The following SCNN1A variants were observed in gnomAD, a reference collection of about 807,000 sequenced individuals.
SCNN1A encodes sodium channel epithelial 1 subunit alpha, also known as epithelial sodium channel subunit alpha.
In SCNN1A, 65 loss-of-function variants were observed where a neutral mutation model predicts 68.6. The ratio of observed to expected loss-of-function variants is 0.95; its 90% CI spans 0.78 to 1.16. SCNN1A has a LOEUF of 1.16. Among genes scored for constraint, SCNN1A ranks in the 50% most tolerant of loss-of-function variants. SCNN1A has a pLI of 0.00. For missense variants in SCNN1A, 880 were observed against 865.9 expected (o/e 1.02, Z -0.20); for synonymous variants, 357 against 353.3 (o/e 1.01, Z -0.12).
In SCNN1A at chr12:6,372,685, T is replaced by G. The variant is rs778493234; in HGVS notation, c.416+1683A>C. On this transcript the variant is annotated intron_variant, in intron 2 of 12. Transcript: ENST00000228916. This position sits in a 1 kb window ranked among gnomAD's most constrained non-coding sequence, Gnocchi z 5.8. The stretch of plus-strand genomic sequence containing the variant: ...ATTGAGTGCCCACTGCCCCGCCTGC[T>G]GTCCTTCCCCTTCCTGCTGGGTCCC... 6.6e-6 allele frequency among the ~76,000 whole-genome samples: 1 copy of G among 152,210 alleles called. No homozygotes were observed. Among genetic ancestry groups the G allele is most frequent in the Non-Finnish European group, 1.5e-5 (1 of 68,030 alleles).
chr12:6,347,859 C>A lies in SCNN1A; in HGVS notation c.*14G>T. On this transcript the variant is annotated 3_prime_UTR_variant, in exon 13 of 13. Coordinates refer to ENST00000228916, the MANE Select transcript of SCNN1A (RefSeq NM_001038.6). ...GGAGCATCTGCCTTGGTGTGAGAAACCTCTCCTTCCCTCTCAGGGCCCCCC... is the reference window on the plus strand; with the variant it reads ...GGAGCATCTGCCTTGGTGTGAGAAAACTCTCCTTCCCTCTCAGGGCCCCCC... The A allele has an allele frequency of 6.3e-7, 1 of 1,596,268 alleles. No homozygotes were observed. Among genetic ancestry groups the A allele is most frequent in the South Asian group, 1.1e-5 (1 of 88,974 alleles).
chr12:6,363,311 C>G (rs375885536), intron 3 of SCNN1A, 132 bp downstream of exon 3: 2 of 630,866 alleles, frequency 3.2e-6, no homozygotes, highest in African/African-American at 3.9e-5. Flanking sequence ...TTTTTTTGCC[C>G]GCGAGCCCAC....
At chr12:6,362,700 C>T (rs917018959) in intron 3 of SCNN1A, among the ~76,000 whole-genome samples, 2 of 151,206 alleles carry the variant, frequency 1.3e-5, no homozygotes, top group Non-Finnish European at 3.0e-5. Context: ...TTTTTTTTGG[C>T]AGACGAGCTC....
At chr12:6,363,834 C>A in intron 2 of SCNN1A, 124 bp from the exon 3 acceptor site, 2 of 898,470 alleles carry the variant, frequency 2.2e-6, no homozygotes, top group South Asian at 4.0e-5. Flanking sequence ...CTGGGCGGGG[C>A]TGGGGTCGTC....
Position 6,347,655 on chromosome 12 carries a change from G to T in SCNN1A, c.*218C>A. On this transcript the variant is annotated 3_prime_UTR_variant, in exon 13 of 13. Transcript: ENST00000228916. Reference sequence around the variant, plus strand: ...AGAGTGTTCAGAGGCAGTACCAAGGGGTACAGGGCTGGAGCCAAGGCACTT... The same window carrying T: ...AGAGTGTTCAGAGGCAGTACCAAGGTGTACAGGGCTGGAGCCAAGGCACTT... 1 of 600,112 alleles carries T rather than the reference G, an allele frequency of 1.7e-6. No individual in the cohort carries two copies. Among genetic ancestry groups the T allele is most frequent in the East Asian group, 2.8e-5 (1 of 36,140 alleles). 37.2% of individuals were successfully genotyped at this position (600,112 alleles called of 1,614,324 possible).
At chr12:6,356,157 G>C in intron 4 of SCNN1A, 1 of 506,064 alleles carries the variant, frequency 2.0e-6, no homozygotes, top group Non-Finnish European at 3.6e-6. Flanking sequence ...CTGGCCCAAG[G>C]TCACACATCT....
In SCNN1A at chr12:6,348,030, C is replaced by A. The variant is rs3741913; in HGVS notation, c.1853G>T (p.Cys618Phe). ...CAAGGACAGAGACATGGGGTGGGGG[C>A]AGAAGTGGGAAGGAGGGGAGGATGC... ...TLASSPPSHF[C>F]PHPMSLSLSQ... is the part of the protein sequence containing the mutation. Residue 618 changes from cysteine to phenylalanine, a missense_variant, in exon 13 of 13, where the codon TGC (cysteine) becomes TTC (phenylalanine). Around this residue, in one of 3 missense-constraint regions of SCNN1A, gnomAD observed 758 missense variants for 721.8 expected, o/e 1.05. Coordinates refer to ENST00000228916, the MANE Select transcript of SCNN1A (RefSeq NM_001038.6). 5.9e-3 allele frequency: 9,450 copies of A among 1,603,002 alleles called. 385 individuals carry two copies. In the African/African-American group the frequency reaches 0.094, roughly 16 times the overall value.
rs1162115813 is a variant in SCNN1A, at chr12:6,347,930, T to C, written c.1953A>G (p.Pro651=). ...PPAYATLGPR[P]SPGGSAGASS... The stretch of plus-strand genomic sequence containing the variant: ...TGGCCCCTGCAGAGCCCCCTGGAGA[T>C]GGGCGGGGGCCCAGGGTGGCATAGG... Residue 651 remains proline, a synonymous_variant, in exon 13 of 13, where the codon CCA becomes CCG. Coordinates refer to ENST00000228916, the MANE Select transcript of SCNN1A (RefSeq NM_001038.6). 5.7e-6 allele frequency: 9 copies of C among 1,587,318 alleles called. No homozygotes were observed. The highest frequency in any genetic ancestry group is 1.3e-5 in the African/African-American group (1 of 74,302).
At position 6,374,560 on chromosome 12, in the gene SCNN1A, A is replaced by C. The variant is rs770042605; in HGVS notation, c.224T>G (p.Val75Gly). ...NTTIHGAIRL[V>G]CSQHNRMKTA... ...CTTCATGCGGTTGTGCTGGGAGCACACCAGGCGGATGGCGCCGTGGATGGT... is the reference window on the plus strand; with the variant it reads ...CTTCATGCGGTTGTGCTGGGAGCACCCCAGGCGGATGGCGCCGTGGATGGT... Residue 75 changes from valine (V) to glycine (G), a missense_variant, in exon 2 of 13, where the codon GTG becomes GGG. Around this residue, in one of 3 missense-constraint regions of SCNN1A, gnomAD observed 45 missense variants for 76.7 expected, o/e 0.59. Transcript: ENST00000228916. The surrounding 1 kb of genome is among the most constrained non-coding windows in gnomAD (Gnocchi z 6.2). 1 of 1,614,132 alleles carries C rather than the reference A, an allele frequency of 6.2e-7. No individual in the cohort carries two copies. The highest frequency in any genetic ancestry group is 8.5e-7 in the Non-Finnish European group (1 of 1,180,000).
intron 2 of SCNN1A, among the ~76,000 whole-genome samples, chr12:6,370,655 C>T (rs1948773435): frequency 6.6e-6 from 1 of 152,234 alleles, no homozygotes; most frequent in Non-Finnish European, 1.5e-5. Context: ...CTGAGCACAG[C>T]CTGGTGTCCA....
At chr12:6,377,296 T>A, upstream of SCNN1A, 1 of 1,546,848 alleles carries the variant, frequency 6.5e-7, no homozygotes, top group Non-Finnish European at 8.8e-7. Flanking sequence ...GACAGCTGGA[T>A]TTTTCTTCAT....
chr12:6,363,368 G>A (rs1948613986), intron 3 of SCNN1A, 75 bp downstream of exon 3: 2 of 1,353,304 alleles, frequency 1.5e-6, no homozygotes, highest in African/African-American at 3.1e-5. Flanking sequence ...GTCAGGAAAG[G>A]AGCGGAGCCC....
At position 6,355,808 on chromosome 12, in the gene SCNN1A, G is replaced by C; in HGVS notation, c.948C>G (p.Leu316=). ...YTFNDKNNSN[L]WMSSMPGINN... ...TGATTCCAGGCATGGAAGACATCCA[G>C]AGGTTGGAGTTGTTCTTGTCATTGA... The change falls in exon 5 of 13, where the codon CTC becomes CTG. Residue 316 remains leucine, a synonymous_variant. Coordinates refer to ENST00000228916, the MANE Select transcript of SCNN1A (RefSeq NM_001038.6). 1 of 1,613,600 alleles carries C rather than the reference G, an allele frequency of 6.2e-7. No homozygotes were observed. The highest frequency in any genetic ancestry group is 8.5e-7 in the Non-Finnish European group (1 of 1,179,470).
chr12:6,364,092 C>T (rs1948634720), intron 2 of SCNN1A: 1 of 171,242 alleles, frequency 5.8e-6, no homozygotes, highest in East Asian at 1.6e-4. Context: ...GTACCCAGGT[C>T]ATCCCGCCCT....
In SCNN1A at chr12:6,357,875, G is replaced by A. The variant is rs537353226; in HGVS notation, c.876-1995C>T. Among the ~76,000 whole-genome samples, 11 of 152,330 alleles carry A rather than the reference G, an allele frequency of 7.2e-5. No homozygotes were observed. In the South Asian group the frequency reaches 1.2e-3, roughly 17 times the overall value. ...TAGCCGGGCACGGCGGCACATGCCTGTAATCCCAGCTACTCAGGAAGCTGA... is the reference window on the plus strand; with the variant it reads ...TAGCCGGGCACGGCGGCACATGCCTATAATCCCAGCTACTCAGGAAGCTGA... On this transcript the variant is annotated intron_variant, in intron 4 of 12. Coordinates refer to ENST00000228916, the MANE Select transcript of SCNN1A (RefSeq NM_001038.6).
At chr12:6,363,197 C>T (rs1223944211) in intron 3 of SCNN1A, among the ~76,000 whole-genome samples, 1 of 151,650 alleles carries the variant, frequency 6.6e-6, no homozygotes, top group Non-Finnish European at 1.5e-5. Context: ...ACTTCCTACC[C>T]CTGAAATGCT....
chr12:6,374,400 G>A lies in SCNN1A; in HGVS notation c.384C>T (p.Pro128=), dbSNP rs765686184. The A allele has an allele frequency of 3.1e-6, 5 of 1,614,202 alleles. No homozygotes were observed. The highest frequency in any genetic ancestry group is 2.2e-5 in the South Asian group (2 of 91,078). ...INLNSDKLVF[P]AVTICTLNPY... is the part of the protein sequence containing the mutation. ...GATTGAGGGTGCAGATGGTCACTGCGGGGAAGACGAGCTTGTCCGAGTTGA... is the reference window on the plus strand; with the variant it reads ...GATTGAGGGTGCAGATGGTCACTGCAGGGAAGACGAGCTTGTCCGAGTTGA... Residue 128 remains proline (P), a synonymous_variant, in exon 2 of 13, where the codon CCC becomes CCT. Transcript: ENST00000228916. The surrounding 1 kb of genome is among the most constrained non-coding windows in gnomAD (Gnocchi z 6.2).
At chr12:6,370,377 T>C (rs1259406108) in intron 2 of SCNN1A, among the ~76,000 whole-genome samples, 1 of 152,116 alleles carries the variant, frequency 6.6e-6, no homozygotes, top group Admixed American at 6.6e-5. Context: ...GCTGGCCCTC[T>C]CCCCTCTAGC....
chr12:6,364,538 G>A (rs1423629820), intron 2 of SCNN1A, among the ~76,000 whole-genome samples: 1 of 152,030 alleles, frequency 6.6e-6, no homozygotes, highest in Non-Finnish European at 1.5e-5. Flanking sequence ...GGCAGATCAC[G>A]GGGTCAGGGT....
Sources: allele counts gnomAD v4.1 joint callset (sites outside exome capture counted in the v4.1 genomes callset), GRCh38; gene constraint gnomAD v4.1.1; regional missense constraint gnomAD v4.1.1; non-coding constraint Gnocchi (gnomAD v3.1); transcripts MANE v1.5; gene names NCBI Gene and HGNC (gene_info 2026-07-23, HGNC 2026-07-21).